The following PTPRR variants were observed in gnomAD, a reference collection of about 807,000 sequenced individuals.
PTPRR encodes receptor-type tyrosine-protein phosphatase R.
A neutral mutation model predicts 77.2 loss-of-function variants in PTPRR; 38 were observed. That is an observed-to-expected ratio of 0.49 (90% CI 0.38 to 0.65). The LOEUF (loss-of-function observed/expected upper bound fraction) is 0.65. Among genes scored for constraint, PTPRR ranks in the 30% least tolerant of loss-of-function variants. The probability of loss-of-function intolerance (pLI) is 0.00; values close to 1 mark genes in which losing one functional copy is unlikely to be tolerated. For synonymous variants in PTPRR, 299 were observed against 283.1 expected (o/e 1.06, Z -0.57); for missense variants, 744 against 799.2 (o/e 0.93, Z 0.83).
intron 2 of PTPRR, among the ~76,000 whole-genome samples, chr12:70,792,317 A>G (rs1280723135): frequency 6.6e-6 from 1 of 152,198 alleles, no homozygotes; most frequent in African/African-American, 2.4e-5. Context: ...GAAATTCAAA[A>G]TGGTTAAATG....
chr12:70,857,588 G>T (rs1263462805), intron 2 of PTPRR, among the ~76,000 whole-genome samples: 1 of 152,076 alleles, frequency 6.6e-6, no homozygotes, highest in Non-Finnish European at 1.5e-5. Flanking sequence ...TATTTGCAGG[G>T]TGAATGTTGG....
intron 10 of PTPRR, among the ~76,000 whole-genome samples, chr12:70,673,349 A>C (rs1887318082): frequency 6.6e-6 from 1 of 152,230 alleles, no homozygotes; most frequent in Non-Finnish European, 1.5e-5. Flanking sequence ...ACAGATAAAC[A>C]TACATTACAA....
intron 6 of PTPRR, among the ~76,000 whole-genome samples, chr12:70,730,780 T>C (rs915526942): frequency 5.3e-5 from 8 of 150,820 alleles, no homozygotes; most frequent in Non-Finnish European, 8.8e-5. Flanking sequence ...GCTAGGATCA[T>C]GCCACGCCAC....
At chr12:70,764,609 T>TA in intron 3 of PTPRR, 56 bp downstream of exon 3, 5 of 1,435,792 alleles carry the variant, frequency 3.5e-6, no homozygotes, top group Non-Finnish European at 4.9e-6. Flanking sequence ...CTTTAGTGAT[T>TA]AAAAAAACCA....
intron 1 of PTPRR, among the ~76,000 whole-genome samples, chr12:70,902,384 A>G (rs944462661): frequency 4.0e-5 from 6 of 151,866 alleles, no homozygotes; most frequent in East Asian, 1.9e-4. Flanking sequence ...TAGCAGCACA[A>G]TTCGCAATTG....
At chr12:70,911,854 A>G (rs1041551430) in intron 1 of PTPRR, among the ~76,000 whole-genome samples, 1 of 152,048 alleles carries the variant, frequency 6.6e-6, no homozygotes, top group Non-Finnish European at 1.5e-5. Context: ...CCTCCAAGGT[A>G]CAATTAACCA....
intron 2 of PTPRR, among the ~76,000 whole-genome samples, chr12:70,787,596 A>G (rs1358150055): frequency 7.3e-6 from 1 of 137,126 alleles, no homozygotes. Context: ...TTAGTCTAAA[A>G]TCTTGCTGCT....
intron 1 of PTPRR, chr12:70,907,109 A>T (rs937439755): frequency 3.9e-5 from 6 of 152,220 alleles, no homozygotes; most frequent in African/African-American, 7.2e-5. Flanking sequence ...GTGAAAATAT[A>T]ATTCTACCAG....
At chr12:70,786,085 T>C (rs549575242) in intron 2 of PTPRR, among the ~76,000 whole-genome samples, 1 of 152,314 alleles carries the variant, frequency 6.6e-6, no homozygotes, top group African/African-American at 2.4e-5. Context: ...GCAGAAACCC[T>C]GTGTGGCCAA....
Position 70,707,955 on chromosome 12 carries a change from T to C in PTPRR, c.1008-6632A>G, listed in dbSNP as rs12371567. Among the ~76,000 whole-genome samples, 869 of 152,142 alleles carry C rather than the reference T, an allele frequency of 5.7e-3. 6 individuals are homozygous for C. Among genetic ancestry groups the C allele is most frequent in the Middle Eastern group, 0.017 (5 of 294 alleles). ...AATCTATCTACTGTGTATTTCTCCA[T>C]CCTCATCTCCTGTCACATTCTCATC... On this transcript the variant is annotated intron_variant, in intron 6 of 13. Transcript: ENST00000283228.
chr12:70,897,718 T>C (rs7488138), intron 1 of PTPRR, among the ~76,000 whole-genome samples: 91,566 of 151,726 alleles, frequency 0.6, 28,088 homozygotes, highest in Non-Finnish European at 0.67. Context: ...ATGTTGGTTG[T>C]GGCACTATTC....
chr12:70,809,882 T>C (rs1015116563), intron 2 of PTPRR, among the ~76,000 whole-genome samples: 5 of 152,228 alleles, frequency 3.3e-5, no homozygotes, highest in African/African-American at 9.6e-5. Flanking sequence ...ACATTTCTTT[T>C]AGATTTTAAC....
intron 2 of PTPRR, among the ~76,000 whole-genome samples, chr12:70,794,321 C>A (rs991874853): frequency 3.9e-5 from 6 of 152,100 alleles, no homozygotes; most frequent in Admixed American, 3.9e-4. Context: ...TCTGGCATAA[C>A]CAGAAGGCCT....
chr12:70,671,012 C>T (rs4761229), intron 10 of PTPRR, among the ~76,000 whole-genome samples: 9,311 of 152,086 alleles, frequency 0.061, 453 homozygotes, highest in Admixed American at 0.15. Flanking sequence ...TATTTATTTG[C>T]TAGAAAGTAG....
intron 2 of PTPRR, among the ~76,000 whole-genome samples, chr12:70,811,286 T>C (rs1463215143): frequency 1.3e-5 from 2 of 152,180 alleles, no homozygotes; most frequent in African/African-American, 4.8e-5. Context: ...ACATTTTATG[T>C]GGATTTTATG....
At chr12:70,640,104 G>A (rs535413371) in intron 13 of PTPRR, among the ~76,000 whole-genome samples, 5 of 152,194 alleles carry the variant, frequency 3.3e-5, no homozygotes, top group African/African-American at 7.2e-5. Flanking sequence ...GAGAAATAAC[G>A]GTGCTTCTCA....
At chr12:70,672,962 T>C in intron 10 of PTPRR, 1 of 1,420,540 alleles carries the variant, frequency 7.0e-7, no homozygotes, top group Non-Finnish European at 9.3e-7. Flanking sequence ...GTGCCAGCCC[T>C]GTAAGCCTCC....
chr12:70,898,147 TATA>T (rs767598193), intron 1 of PTPRR, among the ~76,000 whole-genome samples: 5 of 139,914 alleles, frequency 3.6e-5, no homozygotes, highest in African/African-American at 5.0e-5. Flanking sequence ...AAACTTAAAG[TATA>T]ATAATAATAA....
chr12:70,666,560 G>C (rs142412288), intron 10 of PTPRR, among the ~76,000 whole-genome samples: 2 of 152,092 alleles, frequency 1.3e-5, no homozygotes, highest in African/African-American at 4.8e-5. Flanking sequence ...AATAAGTTGC[G>C]TAAGTTTTTC....
Sources: allele counts gnomAD v4.1 joint callset (sites outside exome capture counted in the v4.1 genomes callset), GRCh38; gene constraint gnomAD v4.1.1; transcripts MANE v1.5; gene names NCBI Gene and HGNC (gene_info 2026-07-23, HGNC 2026-07-21).